COBLL1: variants seen among roughly 807,000 people sequenced by gnomAD.
COBLL1 encodes the protein cordon-bleu WH2 repeat protein like 1, also known as cordon-bleu protein-like 1.
A neutral mutation model predicts 94.8 loss-of-function variants in COBLL1; 50 were observed. The ratio of observed to expected loss-of-function variants is 0.53; its 90% confidence interval spans 0.42 to 0.67. The LOEUF (loss-of-function observed/expected upper bound fraction) is 0.67, where lower values mean the gene tolerates loss of function less well. Among genes scored for constraint, COBLL1 ranks in the 30% least tolerant of loss-of-function variants. The probability of loss-of-function intolerance (pLI) is 0.00; values close to 1 mark genes in which losing one functional copy is unlikely to be tolerated. For synonymous variants in COBLL1, 448 were observed against 473.8 expected, an observed-to-expected ratio of 0.95 and a Z score of 0.71; for missense variants, 1,362 against 1,348.7, an observed-to-expected ratio of 1.01 and a Z score of -0.15.
chr2:164,666,545 C>T (rs921803682), intron 1 of COBLL1, among the ~76,000 whole-genome samples: 1 of 152,132 alleles, frequency 6.6e-6, no homozygotes, highest in African/African-American at 2.4e-5. Context: ...CTAACAAACT[C>T]TTCCTTTCAC....
chr2:164,735,249 T>C (rs1303139360), intron 3 of COBLL1, among the ~76,000 whole-genome samples: 1 of 152,198 alleles, frequency 6.6e-6, no homozygotes, highest in Non-Finnish European at 1.5e-5. Context: ...AGTAGACTAA[T>C]ACAACTGACA....
At chr2:164,817,407 A>G (rs1259910470) in intron 2 of COBLL1, among the ~76,000 whole-genome samples, 1 of 151,612 alleles carries the variant, frequency 6.6e-6, no homozygotes, top group Non-Finnish European at 1.5e-5. Flanking sequence ...AGAACAACAG[A>G]GATAAAAATA....
intron 2 of COBLL1, among the ~76,000 whole-genome samples, chr2:164,835,579 G>C (rs184631357): frequency 6.6e-6 from 1 of 152,232 alleles, no homozygotes; most frequent in African/African-American, 2.4e-5. Flanking sequence ...GGTGGTGATG[G>C]TTCAACAATA....
intron 1 of COBLL1, among the ~76,000 whole-genome samples, chr2:164,666,721 T>C (rs1691164760): frequency 6.6e-6 from 1 of 152,232 alleles, no homozygotes; most frequent in African/African-American, 2.4e-5. Flanking sequence ...AAGAACACTT[T>C]CTTTGCTCTT....
intron 2 of COBLL1, among the ~76,000 whole-genome samples, chr2:164,751,156 A>C (rs1417479003): frequency 2.6e-5 from 4 of 152,072 alleles, no homozygotes; most frequent in Non-Finnish European, 5.9e-5. Context: ...TAACCACTCA[A>C]AAAAGGTACC....
chr2:164,818,661 A>G (rs1335150136), intron 2 of COBLL1, among the ~76,000 whole-genome samples: 2 of 149,358 alleles, frequency 1.3e-5, no homozygotes, highest in Non-Finnish European at 3.0e-5. Flanking sequence ...TATATAGCGT[A>G]TATGTACATA....
chr2:164,722,364 A>G (rs963706189), intron 6 of COBLL1, 53 bp from the exon 7 acceptor site: 18 of 1,514,678 alleles, frequency 1.2e-5, no homozygotes, highest in Non-Finnish European at 1.5e-5. Context: ...ATTAGTAAAA[A>G]GCATTAGTAA....
intron 2 of COBLL1, among the ~76,000 whole-genome samples, chr2:164,823,772 T>C (rs191716329): frequency 2.7e-3 from 418 of 152,318 alleles, no homozygotes; most frequent in Admixed American, 4.6e-3. Context: ...TGATGGCTTT[T>C]ACTGTTTCTA....
chr2:164,671,031 G>C (rs1381318056), intron 1 of COBLL1, among the ~76,000 whole-genome samples: 1 of 152,088 alleles, frequency 6.6e-6, no homozygotes, highest in African/African-American at 2.4e-5. Context: ...TGAAGTCCAG[G>C]CATCAAGCAA....
chr2:164,736,462 C>T (rs1686315004), intron 3 of COBLL1, among the ~76,000 whole-genome samples: 1 of 152,076 alleles, frequency 6.6e-6, no homozygotes, highest in African/African-American at 2.4e-5. Flanking sequence ...GGTCAGATTA[C>T]TAAGCTGATA....
rs1343510885 is a variant in COBLL1 at position 164,722,176 on chromosome 2, G to T, written c.895C>A (p.Pro299Thr). ...APKKRRAPLP[P>T]MPASQSVPQD... ...GGGACACTCTGAGATGCTGGCATCGGGGGCAGTGGAGCCCGCCTCTTCTTG... is the reference window on the plus strand; with the variant it reads ...GGGACACTCTGAGATGCTGGCATCGTGGGCAGTGGAGCCCGCCTCTTCTTG... The change falls in exon 7 of 14, where the codon CCG (proline) becomes ACG (threonine). Residue 299 changes from proline to threonine, a missense_variant. Physicochemically the swap from Pro to Thr is conservative, Grantham distance 38. Coordinates refer to ENST00000652658, the MANE Select transcript of COBLL1 (RefSeq NM_001365672.2). The T allele has an allele frequency of 6.2e-7, 1 of 1,614,084 alleles. No individual in the cohort carries two copies.
chr2:164,809,584 A>C (rs987330790), intron 2 of COBLL1, among the ~76,000 whole-genome samples: 5 of 152,032 alleles, frequency 3.3e-5, no homozygotes, highest in African/African-American at 1.2e-4. Flanking sequence ...AAAGACAACA[A>C]TGACAAGAAG....
At chr2:164,735,960 GTTATT>G (rs1686282216) in intron 3 of COBLL1, among the ~76,000 whole-genome samples, 1 of 152,038 alleles carries the variant, frequency 6.6e-6, no homozygotes, top group African/African-American at 2.4e-5. Context: ...TGAATTTTGG[GTTATT>G]TTATTACTCA....
At chr2:164,743,310 G>C in intron 3 of COBLL1, 1 of 160,232 alleles carries the variant, frequency 6.2e-6, no homozygotes, top group African/African-American at 2.4e-5. Context: ...AGAACAATTT[G>C]AGAAGAAAAG....
intron 2 of COBLL1, among the ~76,000 whole-genome samples, chr2:164,809,672 A>G (rs1044455248): frequency 7.2e-5 from 11 of 152,028 alleles, no homozygotes; most frequent in African/African-American, 2.7e-4. Context: ...TAAAGTGACT[A>G]TTAGTCATTT....
At position 164,779,098 on chromosome 2, in the gene COBLL1, CTTG is replaced by C. The variant is rs3835928; in HGVS notation, c.42-35226_42-35224del. Among the ~76,000 whole-genome samples the C allele has an allele frequency of 2.3e-3, 345 of 151,608 alleles. 1 individual carries two copies. The highest frequency in any genetic ancestry group is 3.8e-3 in the African/African-American group (158 of 41,214). On this transcript the variant is annotated intron_variant, in intron 2 of 13. Transcript: ENST00000652658. ...CGCAGTCTCCAAATGAGATCAATTG[CTTG>C]TTGTTGTTGTTGTTGTTGTTTTGTT...
intron 2 of COBLL1, among the ~76,000 whole-genome samples, chr2:164,779,278 G>C (rs575262740): frequency 6.6e-6 from 1 of 152,172 alleles, no homozygotes; most frequent in South Asian, 2.1e-4. Context: ...AATGAGAAAG[G>C]ATAAACAGTA....
intron 2 of COBLL1, among the ~76,000 whole-genome samples, chr2:164,799,055 G>A (rs1231960733): frequency 6.8e-6 from 1 of 147,446 alleles, no homozygotes; most frequent in Non-Finnish European, 1.5e-5. Context: ...GTAAGCAAGT[G>A]GTTGCTTACT....
chr2:164,692,945 CAT>C (rs1365695152), intron 12 of COBLL1, among the ~76,000 whole-genome samples: 1 of 152,044 alleles, frequency 6.6e-6, no homozygotes, highest in Non-Finnish European at 1.5e-5. Context: ...AAGTGCTAAT[CAT>C]GTTTTATTTT....
Sources: gnomAD v4.1 joint callset for allele counts (sites outside exome capture counted in the v4.1 genomes callset) on GRCh38, gnomAD v4.1.1 for gene constraint, MANE v1.5 for transcripts, NCBI Gene and HGNC (gene_info 2026-07-23, HGNC 2026-07-21) for gene names.